The following TRHDE variants were observed in gnomAD, a reference collection of about 807,000 sequenced individuals.
TRHDE encodes thyrotropin-releasing hormone-degrading ectoenzyme.
TRHDE carries 72 observed loss-of-function variants against 125.7 expected under a neutral mutation model. The ratio of observed to expected loss-of-function variants is 0.57; its 90% CI spans 0.47 to 0.70. TRHDE has a LOEUF of 0.70. Ranked by LOEUF, TRHDE falls within the 30% of genes least tolerant of loss-of-function variation. The pLI, the probability that TRHDE is intolerant of heterozygous loss-of-function variation, is 0.00. For missense variants in TRHDE, 1,110 were observed against 1,327.1 expected, an observed-to-expected ratio of 0.84 and a Z score of 2.54; for synonymous variants, 509 against 509.1, an observed-to-expected ratio of 1.00 and a Z score of 0.00.
chr12:72,277,308 AT>A (rs1879522625), intron 1 of TRHDE, among the ~76,000 whole-genome samples: 1 of 152,138 alleles, frequency 6.6e-6, no homozygotes, highest in South Asian at 2.1e-4. Context: ...CTACTGTGGT[AT>A]TTGTGTGATC....
intron 13 of TRHDE, 39 bp downstream of exon 13, chr12:72,619,077 T>C: frequency 2.8e-6 from 4 of 1,418,094 alleles, no homozygotes; most frequent in Non-Finnish European, 3.8e-6. Flanking sequence ...TTTTAGAAGA[T>C]ACACTATTTT....
chr12:72,300,964 T>TC (rs1868252972), intron 2 of TRHDE, among the ~76,000 whole-genome samples: 1 of 152,082 alleles, frequency 6.6e-6, no homozygotes, highest in African/African-American at 2.4e-5. Context: ...TTGCATTCTT[T>TC]CCCCTCCTCT....
chr12:72,520,191 T>C (rs1180890741), intron 6 of TRHDE, among the ~76,000 whole-genome samples: 1 of 152,256 alleles, frequency 6.6e-6, no homozygotes, highest in Non-Finnish European at 1.5e-5. Flanking sequence ...TCCCTGCTGC[T>C]TTGTTTACCT....
chr12:72,254,432 A>G (rs1450010009), intron 2 of TRHDE: 1 of 152,160 alleles, frequency 6.6e-6, no homozygotes, highest in African/African-American at 2.4e-5. Flanking sequence ...GGCTCTAGAG[A>G]AAGTTCAAAT....
In TRHDE at chr12:72,278,429, C is replaced by G. The variant is rs767780028; in HGVS notation, c.914+4872C>G. 1.2e-4 allele frequency among the ~76,000 whole-genome samples: 19 copies of G among 152,210 alleles called. No homozygotes were observed. In the South Asian group the frequency reaches 1.7e-3, roughly 13 times the overall value. ...AGATATCTCCTCAACATGATGATTT[C>G]TTTTTCTTTGGATATATAATCCACC... On this transcript the variant is annotated intron_variant, in intron 1 of 18. Coordinates refer to ENST00000261180, the MANE Select transcript of TRHDE (RefSeq NM_013381.3).
intron 1 of TRHDE, among the ~76,000 whole-genome samples, chr12:72,089,963 G>T (rs1874753798): frequency 6.6e-6 from 1 of 152,086 alleles, no homozygotes; most frequent in South Asian, 2.1e-4. Context: ...ATTTTTATAT[G>T]CTGGATATTA....
intron 10 of TRHDE, among the ~76,000 whole-genome samples, chr12:72,571,647 G>T (rs1204166949): frequency 2.0e-5 from 3 of 152,116 alleles, no homozygotes; most frequent in Non-Finnish European, 4.4e-5. Flanking sequence ...GTAGTAGCTT[G>T]CATGTTGACT....
chr12:72,630,392 G>C (rs1229339817), intron 15 of TRHDE, among the ~76,000 whole-genome samples: 1 of 151,758 alleles, frequency 6.6e-6, no homozygotes, highest in African/African-American at 2.4e-5. Flanking sequence ...GGAGCCATTA[G>C]AAGCTGGAGA....
chr12:72,335,092 G>A (rs1245941782), intron 2 of TRHDE, among the ~76,000 whole-genome samples: 3 of 151,956 alleles, frequency 2.0e-5, no homozygotes, highest in African/African-American at 7.3e-5. Context: ...GTGTAGAACT[G>A]GAAACTGTGT....
At chr12:72,487,549 C>T (rs1414402815) in intron 5 of TRHDE, among the ~76,000 whole-genome samples, 1 of 151,950 alleles carries the variant, frequency 6.6e-6, no homozygotes, top group Non-Finnish European at 1.5e-5. Context: ...GCAATTTTGT[C>T]CTTCAGAAAC....
intron 2 of TRHDE, among the ~76,000 whole-genome samples, chr12:72,163,962 T>C (rs973894856): frequency 5.3e-5 from 8 of 151,886 alleles, no homozygotes; most frequent in African/African-American, 1.9e-4. Context: ...AAATACAAAA[T>C]TAGCTGGGTG....
intron 2 of TRHDE, among the ~76,000 whole-genome samples, chr12:72,221,084 A>G (rs1361456754): frequency 6.6e-6 from 1 of 152,130 alleles, no homozygotes; most frequent in Non-Finnish European, 1.5e-5. Flanking sequence ...ACTTGGAAAC[A>G]AAGTCTATTC....
chr12:72,259,373 A>G (rs1174944421), intron 2 of TRHDE, among the ~76,000 whole-genome samples: 1 of 152,066 alleles, frequency 6.6e-6, no homozygotes, highest in Admixed American at 6.6e-5. Context: ...TGTTTTTCTG[A>G]GAACTTTCTT....
At chr12:72,482,080 T>C (rs530751316) in intron 5 of TRHDE, among the ~76,000 whole-genome samples, 6 of 152,116 alleles carry the variant, frequency 3.9e-5, no homozygotes, top group Non-Finnish European at 7.4e-5. Flanking sequence ...ATTTCATTCA[T>C]TCTATTTATT....
intron 3 of TRHDE, among the ~76,000 whole-genome samples, chr12:72,441,889 A>AT (rs1201854685): frequency 6.6e-6 from 1 of 151,948 alleles, no homozygotes; most frequent in African/African-American, 2.4e-5. Context: ...GAATCCTCCG[A>AT]TTTTCTGCCA....
In TRHDE at chr12:72,493,458, G is replaced by A. The variant is rs753983159; in HGVS notation, c.1585-6040G>A. On this transcript the variant is annotated intron_variant, in intron 5 of 18. Transcript: ENST00000261180. The stretch of plus-strand genomic sequence containing the variant: ...TGGTGCAATGTGTTTTGATCACAAA[G>A]GTAAAGCACATATTGTGTGCCATTT... Among the ~76,000 whole-genome samples the A allele has an allele frequency of 2.6e-5, 4 of 151,900 alleles. No homozygotes were observed. In the East Asian group the frequency reaches 7.7e-4, roughly 29 times the overall value.
At chr12:72,577,167 A>G (rs142568520) in intron 12 of TRHDE, among the ~76,000 whole-genome samples, 2 of 152,322 alleles carry the variant, frequency 1.3e-5, no homozygotes, top group Non-Finnish European at 2.9e-5. Flanking sequence ...CTGAAAGAGA[A>G]GCAGAAAAAG....
intron 1 of TRHDE, among the ~76,000 whole-genome samples, chr12:72,087,899 G>A (rs555538952): frequency 2.0e-4 from 31 of 152,274 alleles, no homozygotes; most frequent in African/African-American, 7.0e-4. Flanking sequence ...AGAACAGGAG[G>A]AGTAGGACTG....
At position 72,377,976 on chromosome 12, in the gene TRHDE, T is replaced by A. The variant is rs986590270; in HGVS notation, c.1189-19T>A. 3.3e-6 allele frequency: 5 copies of A among 1,537,668 alleles called. No homozygotes were observed. The highest frequency in any genetic ancestry group is 2.8e-5 in the African/African-American group (2 of 70,830). On this transcript the variant is annotated intron_variant, in intron 2 of 18. Transcript: ENST00000261180. Reference sequence around the variant, plus strand: ...AGTGCTAAAAGGCTAAAGTAACTTTTATATATATTTTTAATTAGGTACGAT... The same window carrying A: ...AGTGCTAAAAGGCTAAAGTAACTTTAATATATATTTTTAATTAGGTACGAT...
Sources: allele counts gnomAD v4.1 joint callset (sites outside exome capture counted in the v4.1 genomes callset), GRCh38; gene constraint gnomAD v4.1.1; transcripts MANE v1.5; gene names NCBI Gene and HGNC (gene_info 2026-07-23, HGNC 2026-07-21).